The following SNX19 variants were observed in gnomAD, a reference collection of about 807,000 sequenced individuals.
SNX19 encodes the protein sorting nexin 19, also known as sorting nexin-19.
A neutral mutation model predicts 85.2 loss-of-function variants in SNX19; 60 were observed. The observed-to-expected ratio is 0.70, with a 90% CI of 0.57 to 0.87. The LOEUF (loss-of-function observed/expected upper bound fraction) is 0.87. SNX19 is among the 40% of genes least tolerant of loss of function. The pLI, the probability that SNX19 is intolerant of heterozygous loss-of-function variation, is 0.00. For missense variants in SNX19, 1,201 were observed against 1,217.8 expected, an observed-to-expected ratio of 0.99 and a Z score of 0.21; for synonymous variants, 520 against 470.0, an observed-to-expected ratio of 1.11 and a Z score of -1.38.
Position 130,906,715 on chromosome 11 carries a change from C to T in SNX19, c.2172G>A (p.Arg724=). 2 of 1,610,104 alleles carry T rather than the reference C, an allele frequency of 1.2e-6. No individual in the cohort carries two copies. Among genetic ancestry groups the T allele is most frequent in the Non-Finnish European group, 1.7e-6 (2 of 1,176,622 alleles). Residue 724 remains arginine, a synonymous_variant, in exon 6 of 11, where the codon AGG becomes AGA. Transcript: ENST00000265909. The part of the protein sequence containing the change: ...QTEGKKASKS[R]LRFSSSKISP... ...AAATTTTACTGGATGAGAACCTCAG[C>T]CTAGACCTGGTACAGAAACAAAGAG...
In SNX19 at chr11:130,906,015, C is replaced by T. The variant is rs1409252710; in HGVS notation, c.2381G>A (p.Arg794His). The change falls in exon 7 of 11, where the codon CGT becomes CAT. Residue 794 changes from arginine to histidine, a missense_variant. Transcript: ENST00000265909. ...TGCATCTGACACGCAACTGTCCACA[C>T]GTCCTTTGGGAGGTTGTTCAGGATC... ...EKDPEQPPKG[R>H]VDSCVSDAAV... 1.5e-5 allele frequency: 25 copies of T among 1,614,106 alleles called. No individual in the cohort carries two copies. The highest frequency in any genetic ancestry group is 1.6e-5 in the Non-Finnish European group (19 of 1,180,042).
chr11:130,899,308 CCAGGTAT>C (rs1945092087), intron 8 of SNX19, among the ~76,000 whole-genome samples: 1 of 152,176 alleles, frequency 6.6e-6, no homozygotes, highest in Non-Finnish European at 1.5e-5. Flanking sequence ...CAGGGTGCTT[CCAGGTAT>C]GAGACCATGG....
intron 2 of SNX19, 53 bp downstream of exon 2, chr11:130,911,580 C>T (rs3751038): frequency 1.9e-6 from 3 of 1,608,908 alleles, no homozygotes; most frequent in Admixed American, 1.7e-5. Context: ...GGCCAATCAG[C>T]GTGGCTCGAC....
chr11:130,895,032 A>C (rs1451279853), intron 8 of SNX19: 1 of 985,320 alleles, frequency 1.0e-6, no homozygotes, highest in Non-Finnish European at 1.2e-6. Context: ...TCAAAGTCCA[A>C]GTTCTTGCTT....
Position 130,916,025 on chromosome 11 carries a change from C to G in SNX19, c.-86G>C, listed in dbSNP as rs888048525. 1.6e-6 allele frequency: 2 copies of G among 1,261,860 alleles called. No individual in the cohort carries two copies. Among genetic ancestry groups the G allele is most frequent in the African/African-American group, 3.0e-5 (2 of 67,108 alleles). The allele number at this position is 1,261,860 out of a possible 1,614,324, so 78.2% of individuals were successfully genotyped here. ...GGGAAGGGGGGCATGAACTGTGTCT[C>G]AGATATGGGGCGATCTGGGTGCTGT... On this transcript the variant is annotated 5_prime_UTR_variant, in exon 1 of 11. Coordinates refer to ENST00000265909, the MANE Select transcript of SNX19 (RefSeq NM_014758.3).
At chr11:130,903,696 CAT>C (rs146822848) in intron 7 of SNX19, among the ~76,000 whole-genome samples, 2,958 of 134,364 alleles carry the variant, frequency 0.022, 62 homozygotes, top group African/African-American at 0.055. Flanking sequence ...TGTATATATA[CAT>C]ATATATATAT....
At chr11:130,889,329 G>A (rs947408229) in intron 8 of SNX19, among the ~76,000 whole-genome samples, 14 of 151,950 alleles carry the variant, frequency 9.2e-5, no homozygotes, top group Admixed American at 5.2e-4. Context: ...TTGGAAATGG[G>A]TGTTTAATTT....
chr11:130,897,511 C>T (rs1222148793), intron 8 of SNX19, among the ~76,000 whole-genome samples: 5 of 152,160 alleles, frequency 3.3e-5, no homozygotes, highest in African/African-American at 9.7e-5. Flanking sequence ...GGCAGCGCCG[C>T]GGACGTGGCA....
At chr11:130,905,864 A>G (rs752558748) in intron 7 of SNX19, 89 bp downstream of exon 7, 3 of 1,603,994 alleles carry the variant, frequency 1.9e-6, no homozygotes, top group East Asian at 4.5e-5. Context: ...TGGAACAGAA[A>G]TCAAAGTTAC....
At chr11:130,901,505 G>A (rs952062620) in intron 8 of SNX19, among the ~76,000 whole-genome samples, 1 of 152,136 alleles carries the variant, frequency 6.6e-6, no homozygotes, top group Admixed American at 6.6e-5. Context: ...GAAATAACAG[G>A]TAGAGAAAGA....
In SNX19 at chr11:130,885,028, C is replaced by T. The variant is rs570473667; in HGVS notation, c.2574-4222G>A. 8.3e-4 allele frequency among the ~76,000 whole-genome samples: 127 copies of T among 152,204 alleles called. 1 individual carries two copies. In the South Asian group the frequency reaches 0.026, roughly 31 times the overall value. On this transcript the variant is annotated intron_variant, in intron 8 of 10. Transcript: ENST00000265909. ...ACTGGTTTTATTTTCCACTACTATTCCAGGTCTGATATTTGATTTAGAGAT... is the reference window on the plus strand; with the variant it reads ...ACTGGTTTTATTTTCCACTACTATTTCAGGTCTGATATTTGATTTAGAGAT...
chr11:130,901,785 A>G (rs1437219622), intron 8 of SNX19: 1 of 151,992 alleles, frequency 6.6e-6, no homozygotes, highest in Non-Finnish European at 1.5e-5. Flanking sequence ...GTCATGGTCC[A>G]CTCAGTTTTC....
rs144457394 is a variant in SNX19 at position 130,903,346 on chromosome 11, G to C, written c.2482C>G (p.Leu828Val). The C allele has an allele frequency of 4.5e-3, 7,275 of 1,613,236 alleles. 21 individuals are homozygous for C. The highest frequency in any genetic ancestry group is 5.6e-3 in the Non-Finnish European group (6,659 of 1,179,888). ...CACTGTTCTGTTAGTAGCAAGAGGA[G>C]CAGATCCAGGGCTGTGTCAGCTAAC... ...TELADTALDL[L>V]LLLLTEQWKW... The change falls in exon 8 of 11, where the codon CTC becomes GTC. Residue 828 changes from leucine to valine, a missense_variant. Physicochemically the swap from Leu to Val is conservative, Grantham distance 32 (BLOSUM62 1). Coordinates refer to ENST00000265909, the MANE Select transcript of SNX19 (RefSeq NM_014758.3).
rs2135435845 is a variant in SNX19, at chr11:130,916,196, T to C, written c.-257A>G. ...GGTGTGGCTTTGGAGGAAAACTCTGTGGCCTTCACACTGCCCCAGGCGGAA... is the reference window on the plus strand; with the variant it reads ...GGTGTGGCTTTGGAGGAAAACTCTGCGGCCTTCACACTGCCCCAGGCGGAA... On this transcript the variant is annotated 5_prime_UTR_variant, in exon 1 of 11. Coordinates refer to ENST00000265909, the MANE Select transcript of SNX19 (RefSeq NM_014758.3). 1 of 518,726 alleles carries C rather than the reference T, an allele frequency of 1.9e-6. No individual in the cohort carries two copies. The highest frequency in any genetic ancestry group is 2.4e-5 in the South Asian group (1 of 42,330). The allele number at this position is 518,726 out of a possible 1,614,324, so 32.1% of individuals were successfully genotyped here.
chr11:130,912,604 G>A (rs1946216346), intron 1 of SNX19, among the ~76,000 whole-genome samples: 1 of 152,186 alleles, frequency 6.6e-6, no homozygotes, highest in Non-Finnish European at 1.5e-5. Context: ...TATACTGTGG[G>A]CAAGAGGTGG....
chr11:130,905,601 C>T (rs79925975), intron 7 of SNX19: 60,952 of 1,353,932 alleles, frequency 0.045, 1,869 homozygotes, highest in South Asian at 0.13. Context: ...ATGAAGGAAA[C>T]CAGGAAACTG....
intron 2 of SNX19, 123 bp downstream of exon 2, chr11:130,911,510 C>G: frequency 3.3e-6 from 5 of 1,526,204 alleles, no homozygotes; most frequent in South Asian, 2.6e-5. Context: ...TGAAGCAAAT[C>G]CAGGGAGCAG....
chr11:130,903,619 T>C (rs1443290672), intron 7 of SNX19, among the ~76,000 whole-genome samples: 2 of 151,880 alleles, frequency 1.3e-5, no homozygotes, highest in Non-Finnish European at 2.9e-5. Context: ...ACCTAATAAA[T>C]GTTTCTATGT....
intron 8 of SNX19, among the ~76,000 whole-genome samples, chr11:130,889,121 T>G (rs1944307841): frequency 6.6e-6 from 1 of 152,044 alleles, no homozygotes. Flanking sequence ...CCTAAGTCTT[T>G]TCCCTTAATA....
Sources: allele counts gnomAD v4.1 joint callset (sites outside exome capture counted in the v4.1 genomes callset), GRCh38; gene constraint gnomAD v4.1.1; transcripts MANE v1.5; gene names NCBI Gene and HGNC (gene_info 2026-07-23, HGNC 2026-07-21).